Variants in LARGE1 observed in about 807,000 individuals in gnomAD.
LARGE1 encodes LARGE xylosyl- and glucuronyltransferase 1.
Under a neutral mutation model 87.6 loss-of-function variants are expected in LARGE1, and 43 were observed. The ratio of observed to expected loss-of-function variants is 0.49; its 90% confidence interval spans 0.38 to 0.63. LARGE1 has a LOEUF of 0.63. LARGE1 is among the 30% of genes least tolerant of loss of function. The pLI is 0.00. For synonymous variants in LARGE1, 434 were observed against 394.6 expected, an observed-to-expected ratio of 1.10 and a Z score of -1.18; for missense variants, 802 against 1,000.2, an observed-to-expected ratio of 0.80 and a Z score of 2.67.
the LARGE1 span, among the ~76,000 whole-genome samples, chr22:33,126,575 G>A: frequency 6.6e-6 from 1 of 152,186 alleles, no homozygotes; most frequent in Non-Finnish European, 1.5e-5. Context: ...TCATGGATTT[G>A]GAATCTGTTC....
chr22:33,804,150 C>T (rs922506725), intron 1 of LARGE1, among the ~76,000 whole-genome samples: 4 of 152,172 alleles, frequency 2.6e-5, no homozygotes, highest in Non-Finnish European at 5.9e-5. Context: ...GAAAGGCCTG[C>T]TTAACATAAC....
At chr22:33,255,625 G>T (rs1927223505) in intron 11 of LARGE1, among the ~76,000 whole-genome samples, 1 of 152,196 alleles carries the variant, frequency 6.6e-6, no homozygotes. Context: ...AGGCTTAGCT[G>T]CCCTTAGGTT....
At chr22:33,305,939 C>A (rs528171094) in intron 11 of LARGE1, among the ~76,000 whole-genome samples, 1 of 149,472 alleles carries the variant, frequency 6.7e-6, no homozygotes. Flanking sequence ...CCCGGGTTCA[C>A]GCCATTCTCC....
intron 1 of LARGE1, among the ~76,000 whole-genome samples, chr22:33,785,275 G>T (rs764058555): frequency 6.6e-5 from 10 of 151,286 alleles, no homozygotes; most frequent in Non-Finnish European, 1.5e-4. Flanking sequence ...GTGCATATGT[G>T]TATATATACG....
chr22:33,839,929 C>T (rs952791926), intron 1 of LARGE1, among the ~76,000 whole-genome samples: 1 of 152,116 alleles, frequency 6.6e-6, no homozygotes, highest in Non-Finnish European at 1.5e-5. Context: ...GGCTTCAAAC[C>T]CAGATGCATT....
intron 1 of LARGE1, among the ~76,000 whole-genome samples, chr22:33,781,095 A>T (rs1371208266): frequency 6.6e-5 from 10 of 152,244 alleles, no homozygotes; most frequent in Admixed American, 6.5e-4. Flanking sequence ...TGGTTTTGGT[A>T]TCCAATAAAT....
chr22:33,531,551 G>A (rs953026762), intron 6 of LARGE1, among the ~76,000 whole-genome samples: 2 of 152,206 alleles, frequency 1.3e-5, no homozygotes, highest in Admixed American at 1.3e-4. Flanking sequence ...GCCTAATGCA[G>A]ATTAATTTAC....
chr22:33,878,334 T>TGTA (rs1297665756), intron 1 of LARGE1, among the ~76,000 whole-genome samples: 2 of 151,776 alleles, frequency 1.3e-5, no homozygotes, highest in African/African-American at 4.8e-5. Flanking sequence ...CAAATACATA[T>TGTA]TGGCCAGGCT....
At chr22:33,771,083 A>T (rs1419572879) in intron 1 of LARGE1, among the ~76,000 whole-genome samples, 4 of 151,892 alleles carry the variant, frequency 2.6e-5, no homozygotes, top group Non-Finnish European at 4.4e-5. Context: ...CAGCCCTCCA[A>T]GGCTACAATT....
At chr22:33,822,441 G>A (rs978708562) in intron 1 of LARGE1, among the ~76,000 whole-genome samples, 3 of 152,190 alleles carry the variant, frequency 2.0e-5, no homozygotes, top group Non-Finnish European at 2.9e-5. Context: ...GCTCATACCT[G>A]TAATCCCAGT....
chr22:33,390,186 T>TA, intron 7 of LARGE1, among the ~76,000 whole-genome samples: 1 of 152,130 alleles, frequency 6.6e-6, no homozygotes, highest in Admixed American at 6.5e-5. Flanking sequence ...AATATACCAC[T>TA]CTCTGTACCC....
chr22:33,108,196 G>A, the LARGE1 span, among the ~76,000 whole-genome samples: 1,389 of 152,194 alleles, frequency 9.1e-3, 16 homozygotes, highest in African/African-American at 0.032. Flanking sequence ...TACTCAGCGT[G>A]TACTCATCCT....
chr22:33,267,946 G>T (rs1928039048), downstream of LARGE1, among the ~76,000 whole-genome samples: 1 of 148,676 alleles, frequency 6.7e-6, no homozygotes, highest in Admixed American at 6.6e-5. Flanking sequence ...CATACATAAT[G>T]GCAAAATTCA....
intron 5 of LARGE1, among the ~76,000 whole-genome samples, chr22:33,579,926 C>T (rs1158768698): frequency 6.6e-6 from 1 of 152,158 alleles, no homozygotes; most frequent in African/African-American, 2.4e-5. Context: ...TGCTGAGTTC[C>T]TACATAGTAT....
chr22:33,494,343 T>C (rs2069999123), intron 6 of LARGE1, among the ~76,000 whole-genome samples: 1 of 152,204 alleles, frequency 6.6e-6, no homozygotes, highest in Non-Finnish European at 1.5e-5. Context: ...ACTGAGGACG[T>C]TTCCCTTGGT....
intron 2 of LARGE1, among the ~76,000 whole-genome samples, chr22:33,740,219 G>T (rs1601485855): frequency 6.6e-6 from 1 of 152,146 alleles, no homozygotes; most frequent in African/African-American, 2.4e-5. Flanking sequence ...AGCCCAGGAG[G>T]CATCTTCTTC....
At chr22:33,247,110 T>A (rs925052238) in intron 11 of LARGE1, among the ~76,000 whole-genome samples, 4 of 150,904 alleles carry the variant, frequency 2.7e-5, no homozygotes, top group African/African-American at 7.3e-5. Context: ...TGTGGTATGT[T>A]AAGAAAAGGT....
intron 1 of LARGE1, among the ~76,000 whole-genome samples, chr22:33,859,705 A>G (rs2146578194): frequency 6.6e-6 from 1 of 152,358 alleles, no homozygotes; most frequent in African/African-American, 2.4e-5. Flanking sequence ...AAGAGCTGGA[A>G]GCAACCCATT....
At chr22:33,698,234 G>A (rs1047227806) in intron 2 of LARGE1, among the ~76,000 whole-genome samples, 7 of 151,572 alleles carry the variant, frequency 4.6e-5, no homozygotes, top group Non-Finnish European at 7.4e-5. Flanking sequence ...CACCACGCTC[G>A]GCTAATTTTT....
Sources: gnomAD v4.1 joint callset for allele counts (sites outside exome capture counted in the v4.1 genomes callset) on GRCh38, gnomAD v4.1.1 for gene constraint, MANE v1.5 for transcripts, NCBI Gene and HGNC (gene_info 2026-07-23, HGNC 2026-07-21) for gene names.